TMEM178B: variants seen among roughly 807,000 people sequenced by gnomAD.
TMEM178B encodes transmembrane protein 178B.
In TMEM178B, 5 loss-of-function variants were observed where a neutral mutation model predicts 31.0. That is an observed-to-expected ratio of 0.16 (90% CI 0.08 to 0.34). The LOEUF (loss-of-function observed/expected upper bound fraction) is 0.34. TMEM178B is among the 10% of genes least tolerant of loss of function. TMEM178B has a pLI of 1.00. For synonymous variants in TMEM178B, 164 were observed against 164.0 expected (o/e 1.00, Z 0.00); for missense variants, 275 against 400.3 (o/e 0.69, Z 2.67).
At chr7:141,507,847 G>A in the TMEM178B span, among the ~76,000 whole-genome samples, 1 of 152,212 alleles carries the variant, frequency 6.6e-6, no homozygotes, top group Admixed American at 6.5e-5. Context: ...CACAGCACAG[G>A]CACACTGGAT....
intron 1 of TMEM178B, among the ~76,000 whole-genome samples, chr7:141,087,146 TA>T (rs1337657638): frequency 6.6e-6 from 1 of 152,222 alleles, no homozygotes; most frequent in Non-Finnish European, 1.5e-5. Flanking sequence ...GCAGGTTCTT[TA>T]AGGAAAATTA....
chr7:141,132,349 T>C (rs575997739), intron 1 of TMEM178B, among the ~76,000 whole-genome samples: 136 of 152,324 alleles, frequency 8.9e-4, no homozygotes, highest in African/African-American at 2.5e-3. Context: ...TTCCCAGCTT[T>C]CAGATCAGTG....
chr7:141,121,089 C>T (rs1795400369), intron 1 of TMEM178B, among the ~76,000 whole-genome samples: 1 of 151,826 alleles, frequency 6.6e-6, no homozygotes, highest in Non-Finnish European at 1.5e-5. Flanking sequence ...ATCCTTCCAC[C>T]CTTCCCTCTT....
chr7:141,342,988 T>C (rs1247307356), intron 2 of TMEM178B, among the ~76,000 whole-genome samples: 1 of 152,220 alleles, frequency 6.6e-6, no homozygotes, highest in Non-Finnish European at 1.5e-5. Flanking sequence ...TTTAGCTGTA[T>C]GGGACTCACC....
At chr7:141,362,759 C>T (rs1209235371) in intron 2 of TMEM178B, among the ~76,000 whole-genome samples, 1 of 152,134 alleles carries the variant, frequency 6.6e-6, no homozygotes, top group East Asian at 1.9e-4. Context: ...GTGAGTTCCC[C>T]CACCTCAGCT....
At chr7:141,382,607 T>C (rs1372493536) in intron 2 of TMEM178B, among the ~76,000 whole-genome samples, 1 of 152,206 alleles carries the variant, frequency 6.6e-6, no homozygotes, top group African/African-American at 2.4e-5. Flanking sequence ...AAAACTCCAT[T>C]TTCTAAGACC....
intron 2 of TMEM178B, among the ~76,000 whole-genome samples, chr7:141,398,005 T>C (rs1160888420): frequency 6.6e-6 from 1 of 151,868 alleles, no homozygotes; most frequent in East Asian, 1.9e-4. Flanking sequence ...AGGCTCTGAG[T>C]CAAGTTCATT....
At chr7:141,264,744 G>A (rs959127302) in intron 2 of TMEM178B, among the ~76,000 whole-genome samples, 2 of 152,212 alleles carry the variant, frequency 1.3e-5, no homozygotes, top group African/African-American at 4.8e-5. Flanking sequence ...ATGAATTAAG[G>A]TCACAGTTGG....
intron 2 of TMEM178B, among the ~76,000 whole-genome samples, chr7:141,216,906 G>A (rs1797161859): frequency 6.6e-6 from 1 of 152,082 alleles, no homozygotes; most frequent in Non-Finnish European, 1.5e-5. Flanking sequence ...AGGGTAAGCT[G>A]CATGCCTGAC....
chr7:141,212,836 C>G (rs1409235803), intron 2 of TMEM178B, 132 bp downstream of exon 2: 1 of 696,206 alleles, frequency 1.4e-6, no homozygotes, highest in African/African-American at 1.8e-5. Flanking sequence ...CATAAAGTGC[C>G]AATATCTTTG....
At chr7:141,170,332 T>C (rs10276236) in intron 1 of TMEM178B, among the ~76,000 whole-genome samples, 80 of 152,328 alleles carry the variant, frequency 5.3e-4, no homozygotes, top group African/African-American at 1.9e-3. Context: ...ATTTTTGGAA[T>C]TCTTACAGGA....
intron 1 of TMEM178B, among the ~76,000 whole-genome samples, chr7:141,170,008 A>G (rs1214123639): frequency 1.3e-5 from 2 of 152,228 alleles, no homozygotes; most frequent in African/African-American, 2.4e-5. Context: ...CTACATAAAT[A>G]CAATCAAGTG....
chr7:141,197,031 T>C (rs1796793431), intron 1 of TMEM178B, among the ~76,000 whole-genome samples: 1 of 152,200 alleles, frequency 6.6e-6, no homozygotes, highest in Non-Finnish European at 1.5e-5. Context: ...TCATTTCTTT[T>C]GTTAAACCAT....
chr7:141,253,544 CTTTTT>C (rs34199017), intron 2 of TMEM178B, among the ~76,000 whole-genome samples: 5 of 70,038 alleles, frequency 7.1e-5, no homozygotes, highest in African/African-American at 2.2e-4. Flanking sequence ...ATTTTCCCTT[CTTTTT>C]TTTTTTTTTT....
chr7:141,406,129 A>G (rs777738422), intron 2 of TMEM178B, among the ~76,000 whole-genome samples: 37 of 152,352 alleles, frequency 2.4e-4, no homozygotes, highest in Non-Finnish European at 4.0e-4. Flanking sequence ...TTACACTACC[A>G]GAATGTCAGA....
chr7:141,125,427 A>G (rs948569944), intron 1 of TMEM178B, among the ~76,000 whole-genome samples: 2 of 152,114 alleles, frequency 1.3e-5, no homozygotes, highest in Non-Finnish European at 2.9e-5. Context: ...TCACACCTGT[A>G]ATCCCAGCAC....
rs112769714 is a variant in TMEM178B, at chr7:141,229,329, A to G, written c.496+16625A>G. On this transcript the variant is annotated intron_variant, in intron 2 of 3. Coordinates refer to ENST00000565468, the MANE Select transcript of TMEM178B (RefSeq NM_001195278.2). ...AAGAGGGAGGAAATTTGGGTCAGGC[A>G]TTGTCACCGAATGCTACTCTGGCAG... Among the ~76,000 whole-genome samples the G allele has an allele frequency of 3.7e-3, 570 of 152,094 alleles. 2 individuals are homozygous for G. Among genetic ancestry groups the G allele is most frequent in the Non-Finnish European group, 6.8e-3 (465 of 67,992 alleles).
chr7:141,273,460 C>A (rs1798217201), intron 2 of TMEM178B, among the ~76,000 whole-genome samples: 1 of 151,970 alleles, frequency 6.6e-6, no homozygotes, highest in African/African-American at 2.4e-5. Flanking sequence ...AATGTTAAAC[C>A]CTGAGGGTCC....
chr7:141,496,141 T>C, the TMEM178B span, among the ~76,000 whole-genome samples: 72 of 152,254 alleles, frequency 4.7e-4, no homozygotes, highest in East Asian at 0.01. Flanking sequence ...GCTAAGCACA[T>C]GCTCCTATGA....
Sources: allele counts gnomAD v4.1 joint callset (sites outside exome capture counted in the v4.1 genomes callset), GRCh38; gene constraint gnomAD v4.1.1; transcripts MANE v1.5; gene names NCBI Gene and HGNC (gene_info 2026-07-23, HGNC 2026-07-21).